Variants in ACADM observed in about 807,000 individuals in gnomAD.
ACADM encodes the protein medium-chain specific acyl-CoA dehydrogenase, mitochondrial.
In ACADM, 49 loss-of-function variants were observed where a neutral mutation model predicts 58.9. The ratio of observed to expected loss-of-function variants is 0.83; its 90% CI spans 0.66 to 1.06. The LOEUF (loss-of-function observed/expected upper bound fraction) is 1.06, where lower values mean the gene tolerates loss of function less well. ACADM is among the 50% of genes least tolerant of loss of function. The pLI is 0.00. For synonymous variants in ACADM, 160 were observed against 157.7 expected (o/e 1.01, Z -0.11); for missense variants, 496 against 507.0 (o/e 0.98, Z 0.21).
intron 1 of ACADM, among the ~76,000 whole-genome samples, chr1:75,726,617 CTT>C (rs1361740065): frequency 6.6e-6 from 1 of 152,064 alleles, no homozygotes; most frequent in Non-Finnish European, 1.5e-5. Context: ...AGTAGAGTGA[CTT>C]TGCCTAATTT....
chr1:75,744,537 T>C, intron 7 of ACADM: 1 of 1,504,604 alleles, frequency 6.6e-7, no homozygotes, highest in Non-Finnish European at 9.2e-7. Context: ...CTGTGACAGG[T>C]TCTGCAAACG....
chr1:75,728,287 A>C (rs1412891668), intron 1 of ACADM, 114 bp from the exon 2 acceptor site: 1 of 744,732 alleles, frequency 1.3e-6, no homozygotes, highest in East Asian at 2.8e-5. Flanking sequence ...GATGACTTTA[A>C]AAACTATGAG....
intron 10 of ACADM, among the ~76,000 whole-genome samples, chr1:75,757,216 A>G (rs1344055462): frequency 6.6e-6 from 1 of 152,238 alleles, no homozygotes. Context: ...TTGGGATCTA[A>G]TTAAACTCAA....
chr1:75,759,801 A>G (rs914887227), intron 10 of ACADM, among the ~76,000 whole-genome samples: 1 of 151,294 alleles, frequency 6.6e-6, no homozygotes, highest in African/African-American at 2.4e-5. Context: ...AGCTGGTATT[A>G]CAAGCATGTG....
At chr1:75,734,330 ATTTT>A (rs35823639) in intron 5 of ACADM, among the ~76,000 whole-genome samples, 1 of 133,374 alleles carries the variant, frequency 7.5e-6, no homozygotes, top group Non-Finnish European at 1.6e-5. Flanking sequence ...TGCCCGGCTA[ATTTT>A]TTTTTTTTTT....
At chr1:75,742,371 C>G (rs1328865800) in intron 7 of ACADM, among the ~76,000 whole-genome samples, 1 of 152,160 alleles carries the variant, frequency 6.6e-6, no homozygotes, top group Non-Finnish European at 1.5e-5. Flanking sequence ...CTAACACCCT[C>G]AGGGTGGTTT....
chr1:75,740,974 A>G (rs992574430), intron 7 of ACADM, among the ~76,000 whole-genome samples: 3 of 152,224 alleles, frequency 2.0e-5, no homozygotes, highest in African/African-American at 7.2e-5. Flanking sequence ...GATCAGGCTT[A>G]TATGTTTACT....
chr1:75,727,080 C>T (rs1890451), intron 1 of ACADM, among the ~76,000 whole-genome samples: 37,740 of 151,898 alleles, frequency 0.25, 5,004 homozygotes, highest in Non-Finnish European at 0.3. Flanking sequence ...TGGGATTACA[C>T]GCATGAGCCA....
At position 75,758,590 on chromosome 1, in the gene ACADM, C is replaced by A. The variant is rs181350760; in HGVS notation, c.946-2532C>A. Among the ~76,000 whole-genome samples the A allele has an allele frequency of 6.5e-3, 985 of 151,886 alleles. 15 individuals are homozygous for A. Among genetic ancestry groups the A allele is most frequent in the Admixed American group, 0.035 (529 of 15,236 alleles). ...TCTAGCTAGATGATTGTAAACACAC[C>A]AATCAGCACTCTGTAAAAATGCACT... On this transcript the variant is annotated intron_variant, in intron 10 of 11. Coordinates refer to ENST00000370841, the MANE Select transcript of ACADM (RefSeq NM_000016.6).
At chr1:75,735,841 C>A (rs1210616847) in intron 6 of ACADM, among the ~76,000 whole-genome samples, 117 of 133,380 alleles carry the variant, frequency 8.8e-4, no homozygotes, top group Middle Eastern at 3.7e-3. Context: ...GACTCTGTCT[C>A]AAAAAAAAAA....
At chr1:75,735,748 G>C (rs1647240366) in intron 6 of ACADM, among the ~76,000 whole-genome samples, 2 of 151,774 alleles carry the variant, frequency 1.3e-5, no homozygotes, top group African/African-American at 4.8e-5. Flanking sequence ...GGAGGCTGAG[G>C]CATGAGAATC....
chr1:75,747,598 C>A lies in ACADM; in HGVS notation c.708+1684C>A, dbSNP rs1203529687. On this transcript the variant is annotated intron_variant, in intron 8 of 11. Coordinates refer to ENST00000370841, the MANE Select transcript of ACADM (RefSeq NM_000016.6). Reference sequence around the variant, plus strand: ...CCCAGGAGTTCAGGACCAGCCTGGGCAACATATTGAGACTTTACCTCTACA... The same window carrying A: ...CCCAGGAGTTCAGGACCAGCCTGGGAAACATATTGAGACTTTACCTCTACA... Among the ~76,000 whole-genome samples the A allele has an allele frequency of 3.9e-5, 6 of 152,248 alleles. 1 individual carries two copies. The South Asian group carries it at 8.3e-4, about 21-fold the overall frequency.
rs149945460 is a variant in ACADM at position 75,743,248 on chromosome 1, A to T, written c.600-2558A>T. On this transcript the variant is annotated intron_variant, in intron 7 of 11. Transcript: ENST00000370841. The stretch of plus-strand genomic sequence containing the variant: ...GGTGCAGAGAGGGAGAGAGCCAGGC[A>T]GGAACACCAAGAAAAAAGCTGTGAC... 1.7e-3 allele frequency among the ~76,000 whole-genome samples: 262 copies of T among 152,320 alleles called. 1 individual carries two copies. Among genetic ancestry groups the T allele is most frequent in the South Asian group, 0.015 (70 of 4,826 alleles).
rs114997888 is a variant in ACADM at position 75,758,231 on chromosome 1, T to G, written c.946-2891T>G. ...GCACCTGCCACCATGCCTGGCCTTT[T>G]TTTGTTTGTTTGTTTTTTAAGTAGA... On this transcript the variant is annotated intron_variant, in intron 10 of 11. Coordinates refer to ENST00000370841, the MANE Select transcript of ACADM (RefSeq NM_000016.6). Among the ~76,000 whole-genome samples the G allele has an allele frequency of 6.0e-3, 919 of 151,988 alleles. 3 individuals are homozygous for G. The highest frequency in any genetic ancestry group is 0.021 in the African/African-American group (879 of 41,468).
intron 10 of ACADM, among the ~76,000 whole-genome samples, chr1:75,757,329 C>A (rs549614084): frequency 2.0e-5 from 3 of 152,228 alleles, no homozygotes; most frequent in Admixed American, 1.3e-4. Context: ...GGCTAATATC[C>A]AGAATCTACA....
chr1:75,744,106 C>G (rs1273689176), intron 7 of ACADM: 1 of 1,588,232 alleles, frequency 6.3e-7, no homozygotes, highest in African/African-American at 1.3e-5. Flanking sequence ...TCATTTTCTC[C>G]TGATGTTCTG....
intron 10 of ACADM, among the ~76,000 whole-genome samples, chr1:75,756,818 G>A (rs1648532937): frequency 6.6e-6 from 1 of 152,086 alleles, no homozygotes; most frequent in African/African-American, 2.4e-5. Context: ...TATACTACAA[G>A]GCTACAGTAA....
In ACADM at chr1:75,729,069, C is replaced by T. The variant is rs115314495; in HGVS notation, c.118+581C>T. ...CTTCTTCAAAATTTTTATTTTTTCT[C>T]TAGTTAAAAACCATTTACTCAATTT... On this transcript the variant is annotated intron_variant, in intron 2 of 11. Transcript: ENST00000370841. 5.4e-3 allele frequency among the ~76,000 whole-genome samples: 820 copies of T among 152,014 alleles called. 10 individuals carry two copies. The highest frequency in any genetic ancestry group is 0.019 in the African/African-American group (787 of 41,486).
At position 75,732,898 on chromosome 1, in the gene ACADM, AAC is replaced by A. The variant is rs766173642; in HGVS notation, c.270_271del (p.Ile91SerfsTer13). ...AAGAGCCTGGGAACTTGGTTTAATG[AAC>A]ACACACATTCCAGAGAACTGTGGTA... ...IRRAWELGLM[N>X]THIPENCGGL... On this transcript the variant is annotated frameshift_variant, in exon 4 of 12. Coordinates refer to ENST00000370841, the MANE Select transcript of ACADM (RefSeq NM_000016.6). LOFTEE classifies it high-confidence loss of function. 6.2e-7 allele frequency: 1 copy of A among 1,614,042 alleles called. No homozygotes were observed. Among genetic ancestry groups the A allele is most frequent in the Admixed American group, 1.7e-5 (1 of 60,016 alleles).
Sources: gnomAD v4.1 joint callset for allele counts (sites outside exome capture counted in the v4.1 genomes callset) on GRCh38, gnomAD v4.1.1 for gene constraint, MANE v1.5 for transcripts, NCBI Gene and HGNC (gene_info 2026-07-23, HGNC 2026-07-21) for gene names.